CAMSAP2: variants seen among roughly 807,000 people sequenced by gnomAD.
CAMSAP2 encodes the protein calmodulin regulated spectrin associated protein family member 2.
Under a neutral mutation model 146.1 loss-of-function variants are expected in CAMSAP2, and 26 were observed. The ratio of observed to expected loss-of-function variants is 0.18; its 90% CI spans 0.13 to 0.25. The LOEUF is 0.25. Among genes scored for constraint, CAMSAP2 ranks in the 10% least tolerant of loss-of-function variants. The probability of loss-of-function intolerance (pLI) is 1.00; values close to 1 mark genes in which losing one functional copy is unlikely to be tolerated. For synonymous variants in CAMSAP2, 499 were observed against 596.6 expected (o/e 0.84, Z 2.38); for missense variants, 1,381 against 1,759.3 (o/e 0.78, Z 3.85).
At chr1:200,852,731 A>T in intron 12 of CAMSAP2, 54 bp downstream of exon 12, 1 of 1,542,904 alleles carries the variant, frequency 6.5e-7, no homozygotes, top group Non-Finnish European at 8.7e-7. Flanking sequence ...ATGCATGGGC[A>T]TATTTAGAAA....
intron 2 of CAMSAP2, among the ~76,000 whole-genome samples, chr1:200,787,035 C>A (rs1665613749): frequency 6.6e-6 from 1 of 151,644 alleles, no homozygotes; most frequent in South Asian, 2.1e-4. Context: ...AAAAAAGATT[C>A]CTTTCAAAAT....
chr1:200,776,799 T>G (rs1188854420), intron 2 of CAMSAP2, among the ~76,000 whole-genome samples: 1 of 152,058 alleles, frequency 6.6e-6, no homozygotes, highest in African/African-American at 2.4e-5. Flanking sequence ...TTTACCAAAA[T>G]TATTATTATG....
At position 200,854,887 on chromosome 1, in the gene CAMSAP2, A is replaced by C; in HGVS notation, c.3894A>C (p.Pro1298=). The C allele has an allele frequency of 2.5e-6, 4 of 1,605,806 alleles. No individual in the cohort carries two copies. In the South Asian group the frequency reaches 4.4e-5, roughly 18 times the overall value. ...NESVHSGKRT[P]RSESVEGFLS... is the part of the protein sequence containing the mutation. ...GTGTACATTCAGGCAAGAGGACGCC[A>C]AGGTAAATCTATAACGTATGAATAT... The change falls in exon 14 of 17, where the codon CCA becomes CCC. Residue 1298 remains proline (P), a splice_region_variant and synonymous_variant. Coordinates refer to ENST00000358823, the MANE Select transcript of CAMSAP2 (RefSeq NM_203459.4).
At chr1:200,792,439 G>A (rs1355065146) in intron 2 of CAMSAP2, among the ~76,000 whole-genome samples, 1 of 152,160 alleles carries the variant, frequency 6.6e-6, no homozygotes, top group Non-Finnish European at 1.5e-5. Context: ...GAGATCGGGA[G>A]TTTGAGACCA....
chr1:200,851,697 A>G (rs1667623200), intron 11 of CAMSAP2, among the ~76,000 whole-genome samples: 1 of 152,088 alleles, frequency 6.6e-6, no homozygotes, highest in Non-Finnish European at 1.5e-5. Flanking sequence ...GTGATTTTTT[A>G]GGCTCCTTGA....
chr1:200,841,542 G>A (rs751186353), intron 6 of CAMSAP2, among the ~76,000 whole-genome samples: 9 of 152,086 alleles, frequency 5.9e-5, no homozygotes, highest in African/African-American at 7.2e-5. Flanking sequence ...CACCACGCCC[G>A]GCCAAATAAA....
At position 200,850,094 on chromosome 1, in the gene CAMSAP2, A is replaced by G. The variant is rs941585759; in HGVS notation, c.3325A>G (p.Asn1109Asp). 3 of 1,613,934 alleles carry G rather than the reference A, an allele frequency of 1.9e-6. No individual in the cohort carries two copies. The Admixed American group carries it at 5.0e-5, about 27-fold the overall frequency. ...KPVFPPTAPK[N>D]VNLIEVSLSD... Reference sequence around the variant, plus strand: ...CGTTTTCCCACCCACTGCTCCAAAAAATGTTAATCTGATTGAAGTTTCCCT... The same window carrying G: ...CGTTTTCCCACCCACTGCTCCAAAAGATGTTAATCTGATTGAAGTTTCCCT... The change falls in exon 11 of 17, where the codon AAT (asparagine) becomes GAT (aspartate). Residue 1109 changes from asparagine (N) to aspartate (D), a missense_variant. Around this residue, in one of 4 missense-constraint regions of CAMSAP2, gnomAD observed 560 missense variants for 715.9 expected, o/e 0.78. Transcript: ENST00000358823.
intron 14 of CAMSAP2, 23 bp from the exon 15 acceptor site, chr1:200,855,987 A>T: frequency 6.6e-7 from 1 of 1,519,668 alleles, no homozygotes. Context: ...TGAGACATAA[A>T]ACATATTTTA....
intron 2 of CAMSAP2, among the ~76,000 whole-genome samples, chr1:200,804,644 A>T (rs781695903): frequency 8.5e-5 from 13 of 152,208 alleles, no homozygotes; most frequent in African/African-American, 3.1e-4. Context: ...AGTGAAAAAG[A>T]CAGGATCCCT....
chr1:200,767,477 C>CTTTTT (rs11298176), intron 2 of CAMSAP2, among the ~76,000 whole-genome samples: 1 of 138,138 alleles, frequency 7.2e-6, no homozygotes, highest in African/African-American at 2.7e-5. Context: ...TGTTGTCCCT[C>CTTTTT]TTTTTTTTTT....
Position 200,858,109 on chromosome 1 carries a change from T to C in CAMSAP2, c.*50T>C. 2 of 1,443,588 alleles carry C rather than the reference T, an allele frequency of 1.4e-6. No homozygotes were observed. Among genetic ancestry groups the C allele is most frequent in the Non-Finnish European group, 1.9e-6 (2 of 1,072,374 alleles). 89.4% of individuals were successfully genotyped at this position (1,443,588 alleles called of 1,614,324 possible). ...ACATTCATGGTAAATTTGCACTTCA[T>C]CTTTCCTGCCTATAGAAAATCTTTC... is the stretch of plus-strand genomic sequence containing the variant. On this transcript the variant is annotated 3_prime_UTR_variant, in exon 17 of 17. Transcript: ENST00000358823.
intron 4 of CAMSAP2, among the ~76,000 whole-genome samples, chr1:200,830,273 A>G (rs941489338): frequency 6.6e-6 from 1 of 152,182 alleles, no homozygotes; most frequent in Non-Finnish European, 1.5e-5. Context: ...TAAACCATAG[A>G]TACTTATTGC....
At chr1:200,741,893 TAGG>T (rs1040202017) in intron 1 of CAMSAP2, among the ~76,000 whole-genome samples, 5 of 152,128 alleles carry the variant, frequency 3.3e-5, no homozygotes, top group African/African-American at 4.8e-5. Flanking sequence ...ATTTAAAAAA[TAGG>T]AGGAAATCAG....
chr1:200,771,852 A>G (rs1018982776), intron 2 of CAMSAP2, among the ~76,000 whole-genome samples: 12 of 152,158 alleles, frequency 7.9e-5, no homozygotes, highest in African/African-American at 2.7e-4. Flanking sequence ...CTCAATTTCC[A>G]TGCTTTCTGA....
intron 1 of CAMSAP2, among the ~76,000 whole-genome samples, chr1:200,754,039 A>T (rs976783209): frequency 6.6e-6 from 1 of 152,164 alleles, no homozygotes; most frequent in Admixed American, 6.5e-5. Context: ...ACTCCTTCAT[A>T]CACAGTGATG....
chr1:200,842,213 C>G, intron 7 of CAMSAP2, 126 bp downstream of exon 7: 1 of 663,666 alleles, frequency 1.5e-6, no homozygotes, highest in East Asian at 2.8e-5. Context: ...AGCTATTACA[C>G]TTGATAGATT....
At chr1:200,744,989 AAG>A (rs1385576375) in intron 1 of CAMSAP2, among the ~76,000 whole-genome samples, 5 of 152,172 alleles carry the variant, frequency 3.3e-5, no homozygotes, top group Non-Finnish European at 7.3e-5. Context: ...TTAAAAAAAA[AAG>A]AAAAAATACT....
In CAMSAP2 at chr1:200,738,923, C is replaced by T. The variant is rs994131980; in HGVS notation, c.-905C>T. On this transcript the variant is annotated 5_prime_UTR_variant, in exon 1 of 17. Transcript: ENST00000358823. ...CCGCATCTGCTCCTTCATCCAGTGC[C>T]GCAGCCGGAAAACCGCAGCGGCGGC... Among the ~76,000 whole-genome samples, 2 of 148,460 alleles carry T rather than the reference C, an allele frequency of 1.3e-5. No homozygotes were observed. The highest frequency in any genetic ancestry group is 2.2e-4 in the South Asian group (1 of 4,624).
At chr1:200,845,112 C>G (rs1667425328) in intron 8 of CAMSAP2, among the ~76,000 whole-genome samples, 1 of 152,130 alleles carries the variant, frequency 6.6e-6, no homozygotes, top group African/African-American at 2.4e-5. Flanking sequence ...AATAACCAAC[C>G]TAAAACCAAA....
Sources: allele counts gnomAD v4.1 joint callset (sites outside exome capture counted in the v4.1 genomes callset), GRCh38; gene constraint gnomAD v4.1.1; regional missense constraint gnomAD v4.1.1; transcripts MANE v1.5; gene names NCBI Gene and HGNC (gene_info 2026-07-23, HGNC 2026-07-21).